The following SUCLG2 variants were observed in gnomAD, a reference collection of about 807,000 sequenced individuals.
The protein encoded by SUCLG2 is succinate--CoA ligase [GDP-forming] subunit beta, mitochondrial.
A neutral mutation model predicts 47.9 loss-of-function variants in SUCLG2; 42 were observed. The observed-to-expected ratio is 0.88, with a 90% CI of 0.69 to 1.14. The LOEUF (loss-of-function observed/expected upper bound fraction) is 1.14, where lower values mean the gene tolerates loss of function less well. Ranked by LOEUF, SUCLG2 falls within the 50% of genes most tolerant of loss-of-function variation. The probability of loss-of-function intolerance (pLI) is 0.00; values close to 1 mark genes in which losing one functional copy is unlikely to be tolerated. For synonymous variants in SUCLG2, 195 were observed against 197.3 expected (o/e 0.99, Z 0.10); for missense variants, 571 against 525.9 (o/e 1.09, Z -0.84).
rs551715614 is a variant in SUCLG2, at chr3:67,614,320, C to G, written c.85-4724G>C. On this transcript the variant is annotated intron_variant, in intron 1 of 10. Coordinates refer to ENST00000307227, the MANE Select transcript of SUCLG2 (RefSeq NM_003848.4). ...GGAAGACACCAGGCTTTGTTGTCCTCTTTGTGGGTGTAACAGCATCTCCTC... is the reference window on the plus strand; with the variant it reads ...GGAAGACACCAGGCTTTGTTGTCCTGTTTGTGGGTGTAACAGCATCTCCTC... Among the ~76,000 whole-genome samples the G allele has an allele frequency of 1.8e-4, 27 of 152,048 alleles. No individual in the cohort carries two copies. In the South Asian group the frequency reaches 5.6e-3, roughly 32 times the overall value.
intron 2 of SUCLG2, among the ~76,000 whole-genome samples, chr3:67,551,415 T>C (rs996355708): frequency 2.6e-5 from 4 of 152,338 alleles, no homozygotes; most frequent in Admixed American, 2.0e-4. Context: ...TTGATATCCA[T>C]GGCTGCCGCT....
intron 2 of SUCLG2, among the ~76,000 whole-genome samples, chr3:67,532,123 T>C (rs1454073819): frequency 6.6e-6 from 1 of 152,132 alleles, no homozygotes; most frequent in African/African-American, 2.4e-5. Context: ...AACTCTAATA[T>C]GAGTTGGGGT....
At chr3:67,409,620 T>C (rs1269883682) in intron 9 of SUCLG2, among the ~76,000 whole-genome samples, 1 of 152,134 alleles carries the variant, frequency 6.6e-6, no homozygotes, top group Non-Finnish European at 1.5e-5. Flanking sequence ...TACACATAAT[T>C]ACACATAATT....
chr3:67,612,927 AT>A (rs1038214477), intron 1 of SUCLG2, among the ~76,000 whole-genome samples: 18 of 152,204 alleles, frequency 1.2e-4, no homozygotes, highest in Non-Finnish European at 2.4e-4. Flanking sequence ...CACTGCTGAC[AT>A]TTACCAGTTA....
chr3:67,419,528 C>G (rs1340484196), intron 9 of SUCLG2, among the ~76,000 whole-genome samples: 2 of 152,066 alleles, frequency 1.3e-5, no homozygotes, highest in Admixed American at 1.3e-4. Context: ...CTTTCATTAG[C>G]TAGTAAGGCC....
chr3:67,461,368 T>C (rs926817714), intron 9 of SUCLG2, among the ~76,000 whole-genome samples: 2 of 152,166 alleles, frequency 1.3e-5, no homozygotes, highest in African/African-American at 4.8e-5. Context: ...TTTAAGTGAT[T>C]CTTGTATTCT....
At chr3:67,452,883 T>A (rs577467241) in intron 9 of SUCLG2, among the ~76,000 whole-genome samples, 2 of 152,198 alleles carry the variant, frequency 1.3e-5, no homozygotes, top group African/African-American at 2.4e-5. Context: ...GTAACACATA[T>A]AAGAATCTTC....
At chr3:67,612,449 C>G (rs1352708247) in intron 1 of SUCLG2, among the ~76,000 whole-genome samples, 1 of 151,846 alleles carries the variant, frequency 6.6e-6, no homozygotes, top group African/African-American at 2.4e-5. Context: ...GAGAAGAAAT[C>G]TGCTATGCAA....
intron 9 of SUCLG2, among the ~76,000 whole-genome samples, chr3:67,428,021 G>C (rs1211129807): frequency 6.6e-6 from 1 of 152,208 alleles, no homozygotes; most frequent in Non-Finnish European, 1.5e-5. Context: ...TGCCTCTATA[G>C]ACTCCACCTC....
At chr3:67,498,111 C>A in intron 8 of SUCLG2, 23 bp downstream of exon 8, 1 of 1,583,782 alleles carries the variant, frequency 6.3e-7, no homozygotes, top group Non-Finnish European at 8.6e-7. Flanking sequence ...ACAAAGCATT[C>A]TTTTGATATA....
At chr3:67,653,566 G>A (rs1200064872) in intron 1 of SUCLG2, among the ~76,000 whole-genome samples, 2 of 152,148 alleles carry the variant, frequency 1.3e-5, no homozygotes, top group Non-Finnish European at 2.9e-5. Flanking sequence ...GGTTAAAATT[G>A]TATGAGTGAT....
chr3:67,639,193 A>G (rs1287536847), intron 1 of SUCLG2, among the ~76,000 whole-genome samples: 1 of 152,232 alleles, frequency 6.6e-6, no homozygotes, highest in East Asian at 1.9e-4. Context: ...ATGTATATGT[A>G]TCAGTAATTT....
chr3:67,581,038 G>A (rs1396586288), intron 2 of SUCLG2, among the ~76,000 whole-genome samples: 1 of 152,164 alleles, frequency 6.6e-6, no homozygotes, highest in Non-Finnish European at 1.5e-5. Context: ...CTGGTACCTT[G>A]TAAGGTAAAT....
At chr3:67,565,841 A>G (rs1294363114) in intron 2 of SUCLG2, among the ~76,000 whole-genome samples, 1 of 152,222 alleles carries the variant, frequency 6.6e-6, no homozygotes, top group Non-Finnish European at 1.5e-5. Flanking sequence ...TGAATTGAAC[A>G]CTACACGGCA....
Position 67,438,456 on chromosome 3 carries a change from G to GT in SUCLG2, c.1063-37606dup, listed in dbSNP as rs901690849. ...AAAAAAATCAATGAATCCAAGAGCT[G>GT]TTTTTTTTTAAAGATTAACAAAATA... On this transcript the variant is annotated intron_variant, in intron 9 of 10. Transcript: ENST00000307227. 2.9e-3 allele frequency among the ~76,000 whole-genome samples: 434 copies of GT among 151,028 alleles called. 4 individuals carry two copies. Among genetic ancestry groups the GT allele is most frequent in the African/African-American group, 9.4e-3 (386 of 41,182 alleles).
intron 1 of SUCLG2, among the ~76,000 whole-genome samples, chr3:67,615,602 G>GAACACA (rs1230684622): frequency 9.1e-5 from 12 of 131,642 alleles, no homozygotes; most frequent in Admixed American, 3.7e-4. Flanking sequence ...AGATGCCACT[G>GAACACA]AACACAAACA....
At chr3:67,427,051 T>C (rs773168365) in intron 9 of SUCLG2, among the ~76,000 whole-genome samples, 5 of 152,338 alleles carry the variant, frequency 3.3e-5, no homozygotes, top group Non-Finnish European at 5.9e-5. Flanking sequence ...ATTGGCCTTA[T>C]ACTAAGGATG....
At chr3:67,489,201 G>A (rs1054865295) in intron 9 of SUCLG2, among the ~76,000 whole-genome samples, 2 of 152,122 alleles carry the variant, frequency 1.3e-5, no homozygotes, top group Admixed American at 6.5e-5. Context: ...TGGAACAAAT[G>A]TGAGGTGGGC....
chr3:67,571,225 C>G (rs1003649606), intron 2 of SUCLG2, among the ~76,000 whole-genome samples: 22 of 152,226 alleles, frequency 1.4e-4, no homozygotes, highest in African/African-American at 5.3e-4. Context: ...GTGGTTACAA[C>G]TGGGGGATGC....
Sources: gnomAD v4.1 joint callset for allele counts (sites outside exome capture counted in the v4.1 genomes callset) on GRCh38, gnomAD v4.1.1 for gene constraint, MANE v1.5 for transcripts, NCBI Gene and HGNC (gene_info 2026-07-23, HGNC 2026-07-21) for gene names.